Variants in EXTL3 observed in about 807,000 individuals in gnomAD.
The protein encoded by EXTL3 is exostosin-like 3.
A neutral mutation model predicts 69.3 loss-of-function variants in EXTL3; 27 were observed. That is an observed-to-expected ratio of 0.39 (90% CI 0.29 to 0.54). The LOEUF (loss-of-function observed/expected upper bound fraction) is 0.54, where lower values mean the gene tolerates loss of function less well. Among genes scored for constraint, EXTL3 ranks in the 20% least tolerant of loss-of-function variants. The probability of loss-of-function intolerance (pLI) is 0.69; values close to 1 mark genes in which losing one functional copy is unlikely to be tolerated. For missense variants in EXTL3, 1,003 were observed against 1,231.8 expected (o/e 0.81, Z 2.78); for synonymous variants, 511 against 499.4 (o/e 1.02, Z -0.31).
At chr8:28,610,917 A>G (rs2130529835) in intron 2 of EXTL3, among the ~76,000 whole-genome samples, 1 of 152,062 alleles carries the variant, frequency 6.6e-6, no homozygotes, top group South Asian at 2.1e-4. Flanking sequence ...TAATTTTTGT[A>G]TCTTTAGTAA....
intron 1 of EXTL3, among the ~76,000 whole-genome samples, chr8:28,660,377 A>G (rs1382549783): frequency 1.9e-4 from 29 of 152,146 alleles, no homozygotes; most frequent in African/African-American, 2.4e-5. Flanking sequence ...CAAAAAAAAA[A>G]AAAAGTTGTT....
Position 28,623,918 on chromosome 8 carries a change from A to C in EXTL3, c.-53+1108A>C, listed in dbSNP as rs1205953244. ...ACGTTTCTGCCTCTGAGAAGGTTGA[A>C]CTATTAATATTATATTTATTGTTCA... On this transcript the variant is annotated intron_variant, in intron 1 of 6. Coordinates refer to the EXTL3 transcript ENST00000523149. The surrounding 1 kb of genome is among the most constrained non-coding windows in gnomAD (Gnocchi z 4.2). 6.6e-6 allele frequency among the ~76,000 whole-genome samples: 1 copy of C among 152,210 alleles called. No individual in the cohort carries two copies. The highest frequency in any genetic ancestry group is 1.5e-5 in the Non-Finnish European group (1 of 68,034).
chr8:28,731,788 A>T (rs554514147), intron 4 of EXTL3, among the ~76,000 whole-genome samples: 1 of 152,310 alleles, frequency 6.6e-6, no homozygotes, highest in Non-Finnish European at 1.5e-5. Flanking sequence ...GAACAGTGCC[A>T]GGATCCTGGA....
Position 28,731,267 on chromosome 8 carries a change from C to T in EXTL3, c.2193C>T (p.Pro731=). The T allele has an allele frequency of 6.2e-7, 1 of 1,614,136 alleles. No homozygotes were observed. The change falls in exon 4 of 7, where the codon CCC becomes CCT. Residue 731 remains proline, a synonymous_variant. Transcript: ENST00000220562. The stretch of plus-strand genomic sequence containing the variant: ...ACAGTTTGAACAACCGATTCTTACC[C>T]TGGAATGAAATTGAGACAGAGGCCA... ...EKNSLNNRFL[P]WNEIETEAIL...
chr8:28,645,441 T>C (rs552889518), intron 1 of EXTL3, among the ~76,000 whole-genome samples: 1 of 152,294 alleles, frequency 6.6e-6, no homozygotes, highest in Admixed American at 6.5e-5. Flanking sequence ...AAAAATAATA[T>C]ATATACTGAC....
chr8:28,653,358 C>T (rs1250092423), intron 1 of EXTL3, among the ~76,000 whole-genome samples: 1 of 152,136 alleles, frequency 6.6e-6, no homozygotes, highest in African/African-American at 2.4e-5. Flanking sequence ...TTGATGCATA[C>T]AAGTTTTTTA....
intron 1 of EXTL3, among the ~76,000 whole-genome samples, chr8:28,636,696 G>T (rs974648149): frequency 6.6e-6 from 1 of 152,070 alleles, no homozygotes; most frequent in Non-Finnish European, 1.5e-5. Flanking sequence ...GAACTTGCCC[G>T]TTTACTCTGC....
intron 3 of EXTL3, among the ~76,000 whole-genome samples, chr8:28,720,544 C>A (rs1443056381): frequency 6.6e-6 from 1 of 152,142 alleles, no homozygotes; most frequent in Non-Finnish European, 1.5e-5. Flanking sequence ...ATTCCTCATT[C>A]TTTTAAATAA....
chr8:28,686,900 C>T (rs1807587251), intron 1 of EXTL3, among the ~76,000 whole-genome samples: 1 of 152,132 alleles, frequency 6.6e-6, no homozygotes, highest in Admixed American at 6.5e-5. Flanking sequence ...AGTCACTTGA[C>T]CAAAAACAGT....
At chr8:28,657,272 G>T (rs1807026587) in intron 1 of EXTL3, among the ~76,000 whole-genome samples, 1 of 152,198 alleles carries the variant, frequency 6.6e-6, no homozygotes, top group African/African-American at 2.4e-5. Context: ...GTATAAGGAA[G>T]AAAGTGGTTT....
At chr8:28,650,646 T>C (rs1402815411) in intron 1 of EXTL3, among the ~76,000 whole-genome samples, 4 of 152,078 alleles carry the variant, frequency 2.6e-5, no homozygotes, top group Admixed American at 2.6e-4. Flanking sequence ...CATGAGCCAC[T>C]GTGCCCGGCC....
intron 1 of EXTL3, among the ~76,000 whole-genome samples, chr8:28,705,992 G>A (rs1195173287): frequency 6.6e-6 from 1 of 152,136 alleles, no homozygotes; most frequent in Non-Finnish European, 1.5e-5. Flanking sequence ...TTTTAAACAT[G>A]TTATACTGCA....
intron 1 of EXTL3, among the ~76,000 whole-genome samples, chr8:28,673,974 C>G (rs755641465): frequency 1.3e-5 from 2 of 152,158 alleles, no homozygotes; most frequent in Admixed American, 1.3e-4. Context: ...TAGTCCATAA[C>G]GTGAGCTGTT....
In EXTL3 at chr8:28,647,619, C is replaced by T. The variant is rs572497571; in HGVS notation, c.-53+24809C>T. Among the ~76,000 whole-genome samples, 412 of 152,256 alleles carry T rather than the reference C, an allele frequency of 2.7e-3. 1 individual carries two copies. The highest frequency in any genetic ancestry group is 3.4e-3 in the Non-Finnish European group (228 of 68,016). On this transcript the variant is annotated intron_variant, in intron 1 of 6. Transcript: ENST00000523149. The stretch of plus-strand genomic sequence containing the variant: ...CTAAAGTTCACGCCTGATCCCTACA[C>T]GTTGGGAGTCTCGCTTTCAGCCTCT...
At chr8:28,655,672 T>C (rs911580539) in intron 1 of EXTL3, among the ~76,000 whole-genome samples, 5 of 151,950 alleles carry the variant, frequency 3.3e-5, no homozygotes, top group Admixed American at 3.3e-4. Context: ...TTTGTACTTT[T>C]AGTAGAGGAC....
chr8:28,665,063 C>CTTTTTTTTT (rs1222832851), intron 1 of EXTL3, among the ~76,000 whole-genome samples: 1 of 62,398 alleles, frequency 1.6e-5, no homozygotes, highest in African/African-American at 5.3e-5. Context: ...TTTTCCTTTA[C>CTTTTTTTTT]TTTTTTTTTT....
chr8:28,744,503 A>G (rs958439313), intron 6 of EXTL3, among the ~76,000 whole-genome samples: 18 of 152,162 alleles, frequency 1.2e-4, no homozygotes, highest in African/African-American at 3.9e-4. Flanking sequence ...ACTAAAAAAT[A>G]TACAAATTAG....
rs1015989539 is a variant in EXTL3 at position 28,648,523 on chromosome 8, A to G, written c.-53+25713A>G. Among the ~76,000 whole-genome samples the G allele has an allele frequency of 6.6e-5, 10 of 152,340 alleles. No homozygotes were observed. The South Asian group carries it at 1.0e-3, about 16-fold the overall frequency. On this transcript the variant is annotated intron_variant, in intron 1 of 6. Transcript: ENST00000523149. Reference sequence around the variant, plus strand: ...CTCGTAGTCACTACTTATCTTTGACACATCATAACATTCTGCCTTTTGGCT... The same window carrying G: ...CTCGTAGTCACTACTTATCTTTGACGCATCATAACATTCTGCCTTTTGGCT...
chr8:28,755,690 A>C (rs1300650473), downstream of EXTL3: 3 of 152,242 alleles, frequency 2.0e-5, no homozygotes. Flanking sequence ...CGGAGGTTGC[A>C]GTGAGCTGTG....
Sources: allele counts gnomAD v4.1 joint callset (sites outside exome capture counted in the v4.1 genomes callset), GRCh38; gene constraint gnomAD v4.1.1; non-coding constraint Gnocchi (gnomAD v3.1); transcripts MANE v1.5; gene names NCBI Gene and HGNC (gene_info 2026-07-23, HGNC 2026-07-21).